The following KCNT1 variants were observed in gnomAD, a reference collection of about 807,000 sequenced individuals.
KCNT1 encodes potassium sodium-activated channel subfamily T member 1, also known as potassium channel subfamily T member 1.
In KCNT1, 78 loss-of-function variants were observed where a neutral mutation model predicts 147.8. That is an observed-to-expected ratio of 0.53 (90% CI 0.44 to 0.64). The LOEUF (loss-of-function observed/expected upper bound fraction) is 0.64, where lower values mean the gene tolerates loss of function less well. Ranked by LOEUF, KCNT1 falls within the 30% of genes least tolerant of loss-of-function variation. The probability of loss-of-function intolerance (pLI) is 0.00; values close to 1 mark genes in which losing one functional copy is unlikely to be tolerated. For missense variants in KCNT1, 1,419 were observed against 1,750.3 expected (o/e 0.81, Z 3.38); for synonymous variants, 867 against 748.8 (o/e 1.16, Z -2.58).
intron 2 of KCNT1, among the ~76,000 whole-genome samples, chr9:135,733,212 C>CCT (rs1830182965): frequency 8.0e-6 from 1 of 125,462 alleles, no homozygotes; most frequent in Admixed American, 8.0e-5. Context: ...CACCTGCCTT[C>CCT]ACACCTGCCC....
rs116385443 is a variant in KCNT1, at chr9:135,732,645, C to G, written c.255-17453C>G. Among the ~76,000 whole-genome samples, 1,348 of 152,218 alleles carry G rather than the reference C, an allele frequency of 8.9e-3. 20 individuals carry two copies. Among genetic ancestry groups the G allele is most frequent in the African/African-American group, 0.029 (1,206 of 41,510 alleles). On this transcript the variant is annotated intron_variant, in intron 2 of 30. Coordinates refer to ENST00000371757, the MANE Select transcript of KCNT1 (RefSeq NM_020822.3). Reference sequence around the variant, plus strand: ...GAGTGTGGCTTCCATTGCACCTTGTCCTTATCAAGTTGACACAGTGCCCAA... The same window carrying G: ...GAGTGTGGCTTCCATTGCACCTTGTGCTTATCAAGTTGACACAGTGCCCAA...
chr9:135,772,332 A>G (rs546128895), intron 18 of KCNT1, among the ~76,000 whole-genome samples: 48 of 152,106 alleles, frequency 3.2e-4, no homozygotes, highest in Admixed American at 8.5e-4. Flanking sequence ...GCACTGAGTC[A>G]CCCAGCTGCT....
chr9:135,722,079 G>T (rs1835947199), intron 2 of KCNT1, among the ~76,000 whole-genome samples: 1 of 152,212 alleles, frequency 6.6e-6, no homozygotes, highest in African/African-American at 2.4e-5. Flanking sequence ...CCCATCACAT[G>T]TGAACGGTGT....
chr9:135,728,586 G>C (rs1836311568), intron 2 of KCNT1, among the ~76,000 whole-genome samples: 1 of 152,238 alleles, frequency 6.6e-6, no homozygotes, highest in Admixed American at 6.5e-5. Context: ...CCAGAACTCA[G>C]GGAGGCCAAG....
intron 29 of KCNT1, 126 bp downstream of exon 29, chr9:135,786,647 T>C: frequency 1.0e-6 from 1 of 955,264 alleles, no homozygotes; most frequent in Non-Finnish European, 1.5e-6. Flanking sequence ...TCTGTCTGTC[T>C]GTCAGCCTTT....
rs1388521632 is a variant in KCNT1, at chr9:135,793,003, G to C, written c.*842G>C. 9 of 152,326 alleles carry C rather than the reference G, an allele frequency of 5.9e-5. No homozygotes were observed. Among genetic ancestry groups the C allele is most frequent in the Admixed American group, 4.6e-4 (7 of 15,304 alleles). 9.4% of individuals were successfully genotyped at this position (152,326 alleles called of 1,614,324 possible). A position where few individuals can be genotyped will look rare whatever the true frequency, so the allele number is the denominator to read the frequency against. On this transcript the variant is annotated 3_prime_UTR_variant, in exon 31 of 31. Coordinates refer to ENST00000371757, the MANE Select transcript of KCNT1 (RefSeq NM_020822.3). ...CCGGGCTGGGCCACGTGGAGAGAGA[G>C]GATCTTCTCAGCAAGGCGAGATCCC...
Position 135,750,104 on chromosome 9 carries a change from G to A in KCNT1, c.261G>A (p.Gln87=), listed in dbSNP as rs777687658. ...CCCCTCTCTGCTTCTTCAGGGTCCA[G>A]GTGGAGTTCTACGTCAACGAGAACA... ...DPSFQNDDRV[Q]VEFYVNENTF... is the part of the protein sequence containing the mutation. Residue 87 remains glutamine, a synonymous_variant, in exon 3 of 31, where the codon CAG becomes CAA. Transcript: ENST00000371757. 12 of 1,613,680 alleles carry A rather than the reference G, an allele frequency of 7.4e-6. No homozygotes were observed. The highest frequency in any genetic ancestry group is 1.0e-5 in the Non-Finnish European group (12 of 1,179,890).
At chr9:135,711,004 A>G (rs536380) in intron 1 of KCNT1, among the ~76,000 whole-genome samples, 143,521 of 152,238 alleles carry the variant, frequency 0.94, 67,678 homozygotes, top group East Asian at 0.98. Context: ...CCTGCTCTCC[A>G]TGGTGCTCCT....
At chr9:135,764,905 G>A in intron 11 of KCNT1, 126 bp from the exon 12 acceptor site, 1 of 934,924 alleles carries the variant, frequency 1.1e-6, no homozygotes, top group Non-Finnish European at 1.6e-6. Context: ...TAATGTAGGT[G>A]TCACCCCCCG....
At chr9:135,708,554 T>C (rs1198325482) in intron 1 of KCNT1, among the ~76,000 whole-genome samples, 1 of 151,964 alleles carries the variant, frequency 6.6e-6, no homozygotes, top group Non-Finnish European at 1.5e-5. Flanking sequence ...CAATCTTTTT[T>C]TGTTGTTGTT....
At chr9:135,713,217 G>A (rs992948885) in intron 1 of KCNT1, among the ~76,000 whole-genome samples, 4 of 152,254 alleles carry the variant, frequency 2.6e-5, no homozygotes, top group South Asian at 2.1e-4. Context: ...CCCTGGCCAC[G>A]TGGTTCCCCT....
chr9:135,713,262 G>A (rs1300541393), intron 1 of KCNT1, among the ~76,000 whole-genome samples: 1 of 152,276 alleles, frequency 6.6e-6, no homozygotes, highest in Non-Finnish European at 1.5e-5. Flanking sequence ...CAGCCAGCTT[G>A]TGACTAAGGA....
At chr9:135,767,745 C>T (rs1366495686) in intron 13 of KCNT1, among the ~76,000 whole-genome samples, 1 of 152,092 alleles carries the variant, frequency 6.6e-6, no homozygotes, top group Non-Finnish European at 1.5e-5. Flanking sequence ...ATCCAGGCAG[C>T]CCCAGCCAGC....
At chr9:135,732,750 A>ATC (rs71505362) in intron 2 of KCNT1, among the ~76,000 whole-genome samples, 1,957 of 147,612 alleles carry the variant, frequency 0.013, 33 homozygotes, top group African/African-American at 0.037. Flanking sequence ...AGTCCAACCT[A>ATC]TCTCTCTCTC....
intron 12 of KCNT1, among the ~76,000 whole-genome samples, 162 bp downstream of exon 12, chr9:135,765,357 TCTCCC>T: frequency 1.8e-5 from 1 of 55,132 alleles, no homozygotes; most frequent in African/African-American, 9.3e-5. Context: ...GACGCCATCC[TCTCCC>T]CAGGACTGCC....
chr9:135,767,891 C>T (rs1374140963), intron 13 of KCNT1, among the ~76,000 whole-genome samples: 1 of 152,044 alleles, frequency 6.6e-6, no homozygotes, highest in Non-Finnish European at 1.5e-5. Context: ...GGCTCCCACT[C>T]AGGGCCGTGG....
At chr9:135,722,518 G>A (rs1024347802) in intron 2 of KCNT1, among the ~76,000 whole-genome samples, 15 of 152,182 alleles carry the variant, frequency 9.9e-5, no homozygotes, top group Non-Finnish European at 1.5e-4. Context: ...ATCATCCGGC[G>A]CGTCCAGCTG....
Position 135,714,636 on chromosome 9 carries a change from T to C in KCNT1, c.170T>C (p.Leu57Pro). 1 of 1,474,190 alleles carries C rather than the reference T, an allele frequency of 6.8e-7. No homozygotes were observed. Among genetic ancestry groups the C allele is most frequent in the Non-Finnish European group, 9.1e-7 (1 of 1,102,144 alleles). 91.3% of individuals were successfully genotyped at this position (1,474,190 alleles called of 1,614,324 possible). ...LDTAGFKMSD[L>P]DSEVLPLPPR... Reference sequence around the variant, plus strand: ...ACCGCCGGCTTCAAGATGAGCGACCTGGACTCCGAGGTGCTGCCCTTGCCG... The same window carrying C: ...ACCGCCGGCTTCAAGATGAGCGACCCGGACTCCGAGGTGCTGCCCTTGCCG... Residue 57 changes from leucine to proline, a missense_variant, in exon 2 of 31, where the codon CTG becomes CCG. Leu to Pro is a moderately conservative substitution (Grantham distance 98, BLOSUM62 -3). This residue lies in a region of KCNT1 where 181 missense variants were observed against 155.7 expected (regional missense o/e 1.16). Coordinates refer to ENST00000371757, the MANE Select transcript of KCNT1 (RefSeq NM_020822.3). This position sits in a 1 kb window ranked among gnomAD's most constrained non-coding sequence, Gnocchi z 6.2.
At chr9:135,721,755 T>C (rs1835934051) in intron 2 of KCNT1, among the ~76,000 whole-genome samples, 1 of 152,246 alleles carries the variant, frequency 6.6e-6, no homozygotes, top group African/African-American at 2.4e-5. Flanking sequence ...CTCCAGTCCC[T>C]TTCCAGCTCA....
Sources: allele counts gnomAD v4.1 joint callset (sites outside exome capture counted in the v4.1 genomes callset), GRCh38; gene constraint gnomAD v4.1.1; regional missense constraint gnomAD v4.1.1; non-coding constraint Gnocchi (gnomAD v3.1); transcripts MANE v1.5; gene names NCBI Gene and HGNC (gene_info 2026-07-23, HGNC 2026-07-21).